The following POFUT3 variants were observed in gnomAD, a reference collection of about 807,000 sequenced individuals.
POFUT3 encodes protein O-fucosyltransferase 3.
At chr8:33,328,579 C>T in the POFUT3 span, among the ~76,000 whole-genome samples, 7 of 152,220 alleles carry the variant, frequency 4.6e-5, no homozygotes, top group African/African-American at 1.7e-4. Context: ...GTCAATGAGT[C>T]AACAGCCTGT....
the POFUT3 span, chr8:33,389,580 C>T: frequency 6.2e-7 from 1 of 1,614,194 alleles, no homozygotes; most frequent in Non-Finnish European, 8.5e-7. Flanking sequence ...TGCAAAGGAA[C>T]TAGGTATCGG....
the POFUT3 span, among the ~76,000 whole-genome samples, chr8:33,408,287 G>A: frequency 3.3e-5 from 5 of 150,536 alleles, no homozygotes; most frequent in East Asian, 1.9e-4. Context: ...TCACACCAAC[G>A]CACTCCAGAG....
At chr8:33,419,157 A>G in the POFUT3 span, among the ~76,000 whole-genome samples, 44 of 152,334 alleles carry the variant, frequency 2.9e-4, 1 homozygote, top group South Asian at 4.3e-3. Flanking sequence ...CTAGTGTTTG[A>G]TAGCAGAGTA....
the POFUT3 span, among the ~76,000 whole-genome samples, chr8:33,469,812 T>C: frequency 5.6e-5 from 8 of 142,388 alleles, no homozygotes; most frequent in African/African-American, 2.1e-4. Context: ...TCTTTTTTTT[T>C]TTTTTTTTTT....
At chr8:33,376,425 T>C in the POFUT3 span, among the ~76,000 whole-genome samples, 1 of 152,282 alleles carries the variant, frequency 6.6e-6, no homozygotes, top group East Asian at 1.9e-4. Context: ...GAGTATTTAG[T>C]GTGAAGAGGT....
the POFUT3 span, among the ~76,000 whole-genome samples, chr8:33,407,438 T>C: frequency 6.6e-6 from 1 of 152,188 alleles, no homozygotes; most frequent in African/African-American, 2.4e-5. Context: ...TGCTTTCAAA[T>C]ACATACTTCA....
chr8:33,429,003 A>G, the POFUT3 span, among the ~76,000 whole-genome samples: 1 of 152,210 alleles, frequency 6.6e-6, no homozygotes, highest in African/African-American at 2.4e-5. Context: ...AGCTCACCTG[A>G]ACAAATGCAT....
chr8:33,349,584 C>G, the POFUT3 span, among the ~76,000 whole-genome samples: 1 of 152,136 alleles, frequency 6.6e-6, no homozygotes, highest in Non-Finnish European at 1.5e-5. Flanking sequence ...GTCTCCAACT[C>G]CATACAAGCA....
At chr8:33,405,011 T>C in the POFUT3 span, among the ~76,000 whole-genome samples, 2 of 152,138 alleles carry the variant, frequency 1.3e-5, no homozygotes, top group Non-Finnish European at 2.9e-5. Context: ...AGGAAGAACT[T>C]TCCAAATTGC....
At chr8:33,467,697 C>A in the POFUT3 span, among the ~76,000 whole-genome samples, 1 of 152,152 alleles carries the variant, frequency 6.6e-6, no homozygotes, top group African/African-American at 2.4e-5. Flanking sequence ...GCCATCAAAA[C>A]CAGCAACACT....
At chr8:33,313,432 A>G in the POFUT3 span, among the ~76,000 whole-genome samples, 3 of 152,036 alleles carry the variant, frequency 2.0e-5, no homozygotes, top group Admixed American at 1.3e-4. Flanking sequence ...CCCTTCCACA[A>G]TCATAATCTT....
the POFUT3 span, among the ~76,000 whole-genome samples, chr8:33,419,576 C>T: frequency 5.9e-5 from 9 of 152,182 alleles, no homozygotes; most frequent in African/African-American, 7.2e-5. Flanking sequence ...TAACAGGCCA[C>T]GGACAGGCCC....
At chr8:33,471,739 T>C in the POFUT3 span, among the ~76,000 whole-genome samples, 1 of 152,242 alleles carries the variant, frequency 6.6e-6, no homozygotes, top group East Asian at 1.9e-4. Context: ...TACTTTTTTT[T>C]CTTATTGTAG....
chr8:33,417,451 C>G, the POFUT3 span, among the ~76,000 whole-genome samples: 1 of 152,188 alleles, frequency 6.6e-6, no homozygotes. Flanking sequence ...AAACCAGTCC[C>G]TAGTGCCAAA....
the POFUT3 span, among the ~76,000 whole-genome samples, chr8:33,392,056 T>C: frequency 6.6e-6 from 1 of 152,096 alleles, no homozygotes; most frequent in African/African-American, 2.4e-5. Flanking sequence ...CTGCCTTTAA[T>C]AGTGGGAGAT....
the POFUT3 span, among the ~76,000 whole-genome samples, chr8:33,429,488 AATAATAC>A: frequency 2.0e-5 from 3 of 152,314 alleles, no homozygotes; most frequent in Non-Finnish European, 1.5e-5. Context: ...TCTTCCAAGG[AATAATAC>A]AGTATAAAAT....
the POFUT3 span, among the ~76,000 whole-genome samples, chr8:33,441,952 A>AT: frequency 1.3e-5 from 2 of 150,914 alleles, no homozygotes; most frequent in Non-Finnish European, 3.0e-5. Context: ...TGTCACTTCT[A>AT]TTTTTTTTCT....
chr8:33,385,521 T>A, the POFUT3 span, among the ~76,000 whole-genome samples: 78 of 152,136 alleles, frequency 5.1e-4, no homozygotes, highest in African/African-American at 1.8e-3. Flanking sequence ...AACCACAGGC[T>A]CCTAAGGGAA....
chr8:33,423,909 C>A, the POFUT3 span, among the ~76,000 whole-genome samples: 2 of 145,764 alleles, frequency 1.4e-5, no homozygotes, highest in Non-Finnish European at 3.0e-5. Context: ...GAGGCCAAAG[C>A]GGGTGGATCA....
Sources: gnomAD v4.1 joint callset for allele counts (sites outside exome capture counted in the v4.1 genomes callset) on GRCh38, gnomAD v4.1.1 for gene constraint, MANE v1.5 for transcripts, NCBI Gene and HGNC (gene_info 2026-07-23, HGNC 2026-07-21) for gene names.